Variants in PCID2 observed in about 807,000 individuals in gnomAD.
The protein encoded by PCID2 is PCI domain containing 2.
A neutral mutation model predicts 61.3 loss-of-function variants in PCID2; 41 were observed. The observed-to-expected ratio is 0.67, with a 90% CI of 0.52 to 0.87. PCID2 has a LOEUF of 0.87. Among genes scored for constraint, PCID2 ranks in the 40% least tolerant of loss-of-function variants. PCID2 has a pLI of 0.00. For synonymous variants in PCID2, 187 were observed against 177.8 expected (o/e 1.05, Z -0.41); for missense variants, 392 against 493.4 (o/e 0.79, Z 1.95).
At chr13:113,192,702 G>A (rs1049009723) in intron 6 of PCID2, among the ~76,000 whole-genome samples, 10 of 152,180 alleles carry the variant, frequency 6.6e-5, no homozygotes, top group African/African-American at 2.4e-4. Flanking sequence ...AGGAAGGTAG[G>A]GGTTTGGGGG....
the PCID2 span, among the ~76,000 whole-genome samples, chr13:113,170,022 G>A: frequency 3.3e-5 from 5 of 152,158 alleles, no homozygotes; most frequent in Non-Finnish European, 5.9e-5. Context: ...GAGATGCCCC[G>A]TCCTGCTCTG....
chr13:113,182,065 TA>T (rs889369284), intron 9 of PCID2, among the ~76,000 whole-genome samples: 4 of 152,158 alleles, frequency 2.6e-5, no homozygotes, highest in African/African-American at 9.7e-5. Flanking sequence ...TGTTCCTGTT[TA>T]TGTAAGTTCT....
intron 9 of PCID2, chr13:113,183,613 G>T: frequency 4.7e-6 from 1 of 213,200 alleles, no homozygotes; most frequent in Non-Finnish European, 8.1e-6. Context: ...TATTTATCTT[G>T]CATTGCCTAA....
intron 6 of PCID2, among the ~76,000 whole-genome samples, chr13:113,194,755 T>C (rs1240661245): frequency 1.3e-5 from 2 of 152,120 alleles, no homozygotes; most frequent in Non-Finnish European, 2.9e-5. Flanking sequence ...ATCTTAAAGG[T>C]AGAAGAGATG....
At chr13:113,176,246 C>T (rs1250060240), downstream of PCID2, among the ~76,000 whole-genome samples, 2 of 152,218 alleles carry the variant, frequency 1.3e-5, no homozygotes, top group Non-Finnish European at 1.5e-5. Context: ...CAAAGATGAG[C>T]TCTTATAGTT....
chr13:113,195,623 C>A (rs1302844407), intron 5 of PCID2, among the ~76,000 whole-genome samples: 1 of 151,556 alleles, frequency 6.6e-6, no homozygotes, highest in Non-Finnish European at 1.5e-5. Flanking sequence ...GCCAAGACTG[C>A]GCCACTGCAC....
At chr13:113,196,099 C>A in intron 5 of PCID2, 82 bp downstream of exon 5, 1 of 990,252 alleles carries the variant, frequency 1.0e-6, no homozygotes, top group Non-Finnish European at 1.6e-6. Context: ...ATACAATACA[C>A]ATTTATTTAA....
chr13:113,174,844 A>G (rs1421143283), downstream of PCID2, among the ~76,000 whole-genome samples: 2 of 152,200 alleles, frequency 1.3e-5, no homozygotes, highest in African/African-American at 4.8e-5. Flanking sequence ...ATTAAGTCCA[A>G]TATTTGAATC....
the PCID2 span, chr13:113,171,552 A>G: frequency 6.2e-7 from 1 of 1,613,326 alleles, no homozygotes; most frequent in Non-Finnish European, 8.5e-7. The surrounding 1 kb of genome is among the most constrained non-coding windows in gnomAD (Gnocchi z 5.1). Context: ...TGTCCCCTTG[A>G]AAATCAGACT....
the PCID2 span, among the ~76,000 whole-genome samples, chr13:113,166,816 G>C: frequency 1.3e-5 from 2 of 152,306 alleles, no homozygotes; most frequent in African/African-American, 4.8e-5. Context: ...GACAGGGTCT[G>C]GCTCTACCAC....
chr13:113,197,294 T>C, intron 3 of PCID2, 51 bp from the exon 4 acceptor site: 3 of 1,302,298 alleles, frequency 2.3e-6, no homozygotes, highest in Non-Finnish European at 3.3e-6. Flanking sequence ...CTAGCACTAG[T>C]TATGCAGCCC....
At position 113,178,290 on chromosome 13, in the gene PCID2, G is replaced by A; in HGVS notation, c.1111-3C>T. On this transcript the variant is annotated splice_region_variant and splice_polypyrimidine_tract_variant and intron_variant, in intron 13 of 13. Coordinates refer to ENST00000337344, the MANE Select transcript of PCID2 (RefSeq NM_001127202.4). Reference sequence around the variant, plus strand: ...GATATGTAGCCTTTGACGTGTCCCTGCGGGGCAGAAAGGGAGGAATGCGTT... The same window carrying A: ...GATATGTAGCCTTTGACGTGTCCCTACGGGGCAGAAAGGGAGGAATGCGTT... The A allele has an allele frequency of 6.2e-7, 1 of 1,611,210 alleles. No individual in the cohort carries two copies. The highest frequency in any genetic ancestry group is 2.2e-5 in the East Asian group (1 of 44,744).
At chr13:113,186,821 T>A (rs2038156679) in intron 7 of PCID2, 1 of 152,216 alleles carries the variant, frequency 6.6e-6, no homozygotes, top group Non-Finnish European at 1.5e-5. Context: ...AAGTACACTC[T>A]GTGGTGTTAA....
At chr13:113,197,467 G>T (rs563271425) in intron 3 of PCID2, among the ~76,000 whole-genome samples, 1 of 152,300 alleles carries the variant, frequency 6.6e-6, no homozygotes, top group African/African-American at 2.4e-5. Flanking sequence ...GCACCAGCAG[G>T]TTTATGAGTA....
chr13:113,177,201 G>C (rs2037208679), downstream of PCID2, among the ~76,000 whole-genome samples: 1 of 152,198 alleles, frequency 6.6e-6, no homozygotes, highest in African/African-American at 2.4e-5. Flanking sequence ...GCAATGGCAT[G>C]ATCTCGGCTC....
At chr13:113,189,097 C>T (rs907235217) in intron 7 of PCID2, among the ~76,000 whole-genome samples, 1 of 152,022 alleles carries the variant, frequency 6.6e-6, no homozygotes, top group African/African-American at 2.4e-5. Context: ...AGTTCTCGCT[C>T]TGAGCTCCTG....
chr13:113,175,106 G>GT (rs1194251948), downstream of PCID2, among the ~76,000 whole-genome samples: 1 of 152,150 alleles, frequency 6.6e-6, no homozygotes, highest in African/African-American at 2.4e-5. Context: ...CGCCATGATT[G>GT]TAAGTTTCCT....
At chr13:113,201,695 C>G (rs2039441269) in intron 1 of PCID2, among the ~76,000 whole-genome samples, 1 of 151,364 alleles carries the variant, frequency 6.6e-6, no homozygotes, top group African/African-American at 2.4e-5. Flanking sequence ...ATCCGTAGTC[C>G]CAGGTACTCG....
chr13:113,176,127 C>T (rs2037181065), downstream of PCID2, among the ~76,000 whole-genome samples: 1 of 152,248 alleles, frequency 6.6e-6, no homozygotes, highest in Admixed American at 6.5e-5. Flanking sequence ...AGGAAGGAGC[C>T]ACACAAAGTG....
Sources: gnomAD v4.1 joint callset for allele counts (sites outside exome capture counted in the v4.1 genomes callset) on GRCh38, gnomAD v4.1.1 for gene constraint, Gnocchi (gnomAD v3.1) non-coding constraint, MANE v1.5 for transcripts, NCBI Gene and HGNC (gene_info 2026-07-23, HGNC 2026-07-21) for gene names.